Variants in PPP1R16B observed in about 807,000 individuals in gnomAD.
The protein encoded by PPP1R16B is protein phosphatase 1 regulatory subunit 16B, also known as protein phosphatase 1 regulatory inhibitor subunit 16B.
In PPP1R16B, 14 loss-of-function variants were observed where a neutral mutation model predicts 61.7. The observed-to-expected ratio is 0.23, with a 90% confidence interval of 0.15 to 0.35. PPP1R16B has a LOEUF of 0.35. Ranked by LOEUF, PPP1R16B falls within the 10% of genes least tolerant of loss-of-function variation. PPP1R16B has a pLI of 1.00. For synonymous variants in PPP1R16B, 266 were observed against 305.3 expected, an observed-to-expected ratio of 0.87 and a Z score of 1.34; for missense variants, 547 against 752.5, an observed-to-expected ratio of 0.73 and a Z score of 3.19.
intron 10 of PPP1R16B, among the ~76,000 whole-genome samples, chr20:38,910,288 C>T (rs942542034): frequency 2.6e-5 from 4 of 151,846 alleles, no homozygotes; most frequent in Non-Finnish European, 4.4e-5. Context: ...GCCAAGTAGA[C>T]AAATCTTAAA....
At position 38,911,813 on chromosome 20, in the gene PPP1R16B, A is replaced by G. The variant is rs2085492985; in HGVS notation, c.1194+3620A>G. 2.0e-5 allele frequency among the ~76,000 whole-genome samples: 3 copies of G among 152,180 alleles called. No individual in the cohort carries two copies. The South Asian group carries it at 6.2e-4, about 31-fold the overall frequency. ...CGGCCTCCCAAAGTGTTGGTATTAC[A>G]GGGGTCAGCCACTGCTCCTGGCCTC... On this transcript the variant is annotated intron_variant, in intron 10 of 10. Transcript: ENST00000299824.
At chr20:38,911,443 G>A (rs1302920008) in intron 10 of PPP1R16B, among the ~76,000 whole-genome samples, 2 of 152,014 alleles carry the variant, frequency 1.3e-5, no homozygotes, top group African/African-American at 4.8e-5. Context: ...TGGGATTACA[G>A]GCGTGAGCCA....
At chr20:38,908,231 G>T in intron 10 of PPP1R16B, 38 bp downstream of exon 10, 1 of 1,610,938 alleles carries the variant, frequency 6.2e-7, no homozygotes. Flanking sequence ...GTCAGCCACT[G>T]CAATGGGAGG....
At chr20:38,836,217 C>T (rs2084871305) in intron 2 of PPP1R16B, 42 bp downstream of exon 2, 6 of 1,579,214 alleles carry the variant, frequency 3.8e-6, no homozygotes, top group Admixed American at 3.4e-5. Flanking sequence ...GCTGCCTTGG[C>T]CTCTGATCAG....
intron 6 of PPP1R16B, 150 bp from the exon 7 acceptor site, chr20:38,905,819 C>T (rs1277855545): frequency 1.4e-5 from 11 of 762,470 alleles, no homozygotes; most frequent in Non-Finnish European, 2.2e-5. Flanking sequence ...ACTTAATAAT[C>T]CTCTGCAATG....
intron 2 of PPP1R16B, among the ~76,000 whole-genome samples, chr20:38,860,166 C>T (rs1213893886): frequency 6.6e-6 from 1 of 152,234 alleles, no homozygotes; most frequent in Non-Finnish European, 1.5e-5. Context: ...TGGGGTTTCA[C>T]CGTGTTGGTC....
intron 4 of PPP1R16B, among the ~76,000 whole-genome samples, chr20:38,899,797 CTT>C (rs144492616): frequency 6.9e-6 from 1 of 145,332 alleles, no homozygotes; most frequent in Admixed American, 6.9e-5. Context: ...CTGTCTGAGT[CTT>C]TTTTTTTTTT....
intron 7 of PPP1R16B, 23 bp from the exon 8 acceptor site, chr20:38,906,956 A>C: frequency 6.2e-7 from 1 of 1,608,920 alleles, no homozygotes; most frequent in Non-Finnish European, 8.5e-7. Flanking sequence ...AGGGGGACAC[A>C]TGAGCTTCTT....
chr20:38,812,703 G>A (rs1222457768), intron 1 of PPP1R16B, among the ~76,000 whole-genome samples: 2 of 152,232 alleles, frequency 1.3e-5, no homozygotes, highest in Non-Finnish European at 2.9e-5. Flanking sequence ...TTCACCTGGA[G>A]CCTTAGGCTG....
chr20:38,916,761 CTG>C (rs2085544813), intron 10 of PPP1R16B, among the ~76,000 whole-genome samples: 2 of 152,048 alleles, frequency 1.3e-5, no homozygotes, highest in South Asian at 4.1e-4. Context: ...ATCAAAGAGA[CTG>C]TAGCAATTTA....
intron 2 of PPP1R16B, among the ~76,000 whole-genome samples, chr20:38,845,853 C>A (rs2084932865): frequency 6.6e-6 from 1 of 152,170 alleles, no homozygotes; most frequent in African/African-American, 2.4e-5. Context: ...TTGCTGAGTG[C>A]AGAATTGACT....
intron 2 of PPP1R16B, among the ~76,000 whole-genome samples, chr20:38,863,150 G>A (rs2085065435): frequency 6.6e-6 from 1 of 152,136 alleles, no homozygotes; most frequent in Admixed American, 6.5e-5. Context: ...GAGTCAGCCT[G>A]CCTCCCTGGA....
rs2085332308 is a variant in PPP1R16B, at chr20:38,895,821, C to T, written c.467+111C>T. 3 of 1,157,620 alleles carry T rather than the reference C, an allele frequency of 2.6e-6. 1 individual carries two copies. Among genetic ancestry groups the T allele is most frequent in the African/African-American group, 1.6e-5 (1 of 62,518 alleles). The allele number at this position is 1,157,620 out of a possible 1,614,324, so 71.7% of individuals were successfully genotyped here. ...TCCTTCTTTCTCTCCTCCCTTCCTC[C>T]TTCCTTCTTTCTCTCCTCCCTTCCT... On this transcript the variant is annotated intron_variant, in intron 4 of 10. Transcript: ENST00000299824.
chr20:38,818,879 G>A (rs1209199357), intron 1 of PPP1R16B, among the ~76,000 whole-genome samples: 2 of 151,802 alleles, frequency 1.3e-5, no homozygotes, highest in African/African-American at 4.8e-5. Context: ...CCTGGGCTTA[G>A]GCGATCCTCC....
At chr20:38,840,266 G>A (rs1265805933) in intron 2 of PPP1R16B, among the ~76,000 whole-genome samples, 1 of 152,140 alleles carries the variant, frequency 6.6e-6, no homozygotes, top group Non-Finnish European at 1.5e-5. Context: ...GGGAGCGTGG[G>A]GTGGCAGCTC....
At chr20:38,838,432 CT>C (rs1320851265) in intron 2 of PPP1R16B, 1 of 152,278 alleles carries the variant, frequency 6.6e-6, no homozygotes, top group Non-Finnish European at 1.5e-5. Context: ...TTCCACCTGG[CT>C]GCACAGGGCT....
intron 5 of PPP1R16B, among the ~76,000 whole-genome samples, chr20:38,901,700 G>A (rs917776286): frequency 2.0e-5 from 3 of 152,152 alleles, no homozygotes; most frequent in South Asian, 2.1e-4. Flanking sequence ...GTGAACCCCC[G>A]CGCCCAGCCA....
chr20:38,913,702 G>T (rs2085510119), intron 10 of PPP1R16B, among the ~76,000 whole-genome samples: 1 of 152,180 alleles, frequency 6.6e-6, no homozygotes, highest in Non-Finnish European at 1.5e-5. Context: ...GACAGAGGCT[G>T]CAAGGACTGA....
In PPP1R16B at chr20:38,921,429, G is replaced by A. The variant is rs2085597054; in HGVS notation, c.*2763G>A. Reference sequence around the variant, plus strand: ...TGTTCCTTGTGGTTTCCGTCCCTTGGGGACCACAGGCATCAGCAGTCCCAT... The same window carrying A: ...TGTTCCTTGTGGTTTCCGTCCCTTGAGGACCACAGGCATCAGCAGTCCCAT... On this transcript the variant is annotated 3_prime_UTR_variant, in exon 11 of 11. Transcript: ENST00000299824. 1.3e-5 allele frequency: 2 copies of A among 152,210 alleles called. No homozygotes were observed. Among genetic ancestry groups the A allele is most frequent in the Admixed American group, 1.3e-4 (2 of 15,276 alleles). The allele number at this position is 152,210 out of a possible 1,614,324, so 9.4% of individuals were successfully genotyped here. A position where few individuals can be genotyped will look rare whatever the true frequency, so the allele number is the denominator to read the frequency against.
Sources: gnomAD v4.1 joint callset for allele counts (sites outside exome capture counted in the v4.1 genomes callset) on GRCh38, gnomAD v4.1.1 for gene constraint, MANE v1.5 for transcripts, NCBI Gene and HGNC (gene_info 2026-07-23, HGNC 2026-07-21) for gene names.